Variants in PLCH2 observed in about 807,000 individuals in gnomAD.
The protein encoded by PLCH2 is phospholipase C eta 2.
PLCH2 carries 98 observed loss-of-function variants against 134.7 expected under a neutral mutation model. That is an observed-to-expected ratio of 0.73 (90% CI 0.62 to 0.86). The LOEUF is 0.86. Among genes scored for constraint, PLCH2 ranks in the 40% least tolerant of loss-of-function variants. PLCH2 has a pLI of 0.00. For missense variants in PLCH2, 1,994 were observed against 1,986.6 expected (o/e 1.00, Z -0.07); for synonymous variants, 974 against 827.5 (o/e 1.18, Z -3.04).
At position 2,496,721 on chromosome 1, in the gene PLCH2, C is replaced by T; in HGVS notation, c.1933+17C>T. ...AGATGGAGGGTGAGTGGCTCGGGGA[C>T]CTGGGGCCACGGGCGGAGGCCTCCC... is the stretch of plus-strand genomic sequence containing the variant. On this transcript the variant is annotated intron_variant, in intron 14 of 21. Transcript: ENST00000378486. 3 of 1,609,556 alleles carry T rather than the reference C, an allele frequency of 1.9e-6. No homozygotes were observed. The highest frequency in any genetic ancestry group is 2.5e-6 in the Non-Finnish European group (3 of 1,178,430).
At chr1:2,459,968 G>T (rs1243824990) in intron 2 of PLCH2, among the ~76,000 whole-genome samples, 2 of 152,174 alleles carry the variant, frequency 1.3e-5, no homozygotes, top group Non-Finnish European at 2.9e-5. Flanking sequence ...CACTCTGTTC[G>T]CTCCCCTCTG....
chr1:2,488,937 G>GT (rs1039317007), intron 8 of PLCH2, among the ~76,000 whole-genome samples: 14 of 152,018 alleles, frequency 9.2e-5, no homozygotes, highest in Non-Finnish European at 1.6e-4. Flanking sequence ...CATTGCCTTT[G>GT]TTTTTTTTCT....
Position 2,505,263 on chromosome 1 carries a change from G to C in PLCH2, c.*50G>C, listed in dbSNP as rs1643483070. The C allele has an allele frequency of 7.0e-7, 1 of 1,428,528 alleles. No homozygotes were observed. Among genetic ancestry groups the C allele is most frequent in the African/African-American group, 1.4e-5 (1 of 70,272 alleles). The allele number at this position is 1,428,528 out of a possible 1,614,324, so 88.5% of individuals were successfully genotyped here. On this transcript the variant is annotated 3_prime_UTR_variant, in exon 22 of 22. Transcript: ENST00000378486. ...GCTCTGGAGGCCCAGGGCAGGGGTG[G>C]GCGTGTTGTTTGCTCAGGAAACAGG...
upstream of PLCH2, among the ~76,000 whole-genome samples, chr1:2,473,561 G>A (rs1266353438): frequency 9.9e-5 from 15 of 152,192 alleles, no homozygotes; most frequent in Admixed American, 7.2e-4. Context: ...ACTGGCTCCC[G>A]TCACCTCCTC....
At chr1:2,482,507 G>C (rs1183562286) in intron 4 of PLCH2, among the ~76,000 whole-genome samples, 1 of 152,228 alleles carries the variant, frequency 6.6e-6, no homozygotes, top group African/African-American at 2.4e-5. Context: ...CAGTGCATGT[G>C]GCTTTAGCTG....
upstream of PLCH2, among the ~76,000 whole-genome samples, chr1:2,475,015 G>A (rs1223218224): frequency 2.0e-5 from 3 of 152,198 alleles, no homozygotes; most frequent in Admixed American, 1.3e-4. Context: ...GCCCAGAAAC[G>A]CCTGCTGACC....
Position 2,448,477 on chromosome 1 carries a change from G to A in PLCH2, c.115+17848G>A, listed in dbSNP as rs1570288461. 6.6e-6 allele frequency among the ~76,000 whole-genome samples: 1 copy of A among 152,156 alleles called. No individual in the cohort carries two copies. The highest frequency in any genetic ancestry group is 2.4e-5 in the African/African-American group (1 of 41,420). ...TCTCCTTTGTCCTGTAGGATCTGGG[G>A]CCTGCCTGGGTCATTCGGGACGATC... On this transcript the variant is annotated intron_variant, in intron 2 of 3. Transcript: ENST00000609981. The surrounding 1 kb of genome is among the most constrained non-coding windows in gnomAD (Gnocchi z 4.0).
At chr1:2,424,847 A>T (rs536026401), upstream of PLCH2, among the ~76,000 whole-genome samples, 2 of 152,132 alleles carry the variant, frequency 1.3e-5, no homozygotes, top group African/African-American at 4.8e-5. Flanking sequence ...TTAGCTGGGC[A>T]TGGTGGCGGG....
At chr1:2,449,491 T>G (rs1640094752) in intron 2 of PLCH2, among the ~76,000 whole-genome samples, 1 of 140,630 alleles carries the variant, frequency 7.1e-6, no homozygotes. Flanking sequence ...TGAGACTCTG[T>G]CTCAACAAAA....
intron 4 of PLCH2, among the ~76,000 whole-genome samples, chr1:2,480,598 C>A (rs2100655819): frequency 6.6e-6 from 1 of 152,220 alleles, no homozygotes; most frequent in East Asian, 1.9e-4. Context: ...ACAGGCCCTG[C>A]CAGGTGAGTG....
At chr1:2,464,388 T>C (rs959511988), upstream of PLCH2, among the ~76,000 whole-genome samples, 5 of 152,202 alleles carry the variant, frequency 3.3e-5, no homozygotes, top group Admixed American at 2.0e-4. Context: ...GGCTGGTGCA[T>C]GGAGTGCTTA....
the PLCH2 span, among the ~76,000 whole-genome samples, chr1:2,419,281 G>A: frequency 1.1e-4 from 17 of 152,170 alleles, no homozygotes; most frequent in African/African-American, 3.6e-4. Flanking sequence ...CTATCCATCC[G>A]TAAATCCATC....
chr1:2,489,720 T>C, intron 9 of PLCH2, 40 bp from the exon 10 acceptor site: 1 of 1,507,918 alleles, frequency 6.6e-7, no homozygotes, highest in Non-Finnish European at 9.2e-7. Context: ...TTCCCAGCAT[T>C]TTCTCCAGGG....
Position 2,502,345 on chromosome 1 carries a change from C to T in PLCH2, c.2895C>T (p.Pro965=). Residue 965 remains proline (P), a synonymous_variant, in exon 21 of 22, where the codon CCC becomes CCT. Transcript: ENST00000378486. ...AGGGGGTGGCAGACGATGTGGTGCC[C>T]CCCGGGCCCGGACCTGCTCCGGAAG... ...GSKGVADDVV[P]PGPGPAPEAP... is the part of the protein sequence containing the mutation. 6.5e-7 allele frequency: 1 copy of T among 1,537,684 alleles called. No homozygotes were observed. Among genetic ancestry groups the T allele is most frequent in the Non-Finnish European group, 8.7e-7 (1 of 1,143,144 alleles).
chr1:2,502,177 TCATGCTGC>T lies in PLCH2; in HGVS notation c.2728_2735del (p.His910TrpfsTer10), dbSNP rs1216324566. On this transcript the variant is annotated frameshift_variant, in exon 21 of 22. Transcript: ENST00000378486. LOFTEE classifies it high-confidence loss of function. ...GCCCAAAGCCCGGCTCGCTGGACAG[TCATGCTGC>T]TGGGCGGCCCCCGGCCCGGCCCTCC... 6.5e-7 allele frequency: 1 copy of T among 1,528,802 alleles called. No homozygotes were observed. The highest frequency in any genetic ancestry group is 1.4e-5 in the African/African-American group (1 of 71,720). The allele number at this position is 1,528,802 out of a possible 1,614,324, so 94.7% of individuals were successfully genotyped here. A position where few individuals can be genotyped will look rare whatever the true frequency, so the allele number is the denominator to read the frequency against.
Position 2,498,234 on chromosome 1 carries a change from C to T in PLCH2, c.2225-289C>T. 2.3e-6 allele frequency: 1 copy of T among 429,326 alleles called. No homozygotes were observed. The highest frequency in any genetic ancestry group is 4.2e-6 in the Non-Finnish European group (1 of 238,206). The allele number at this position is 429,326 out of a possible 1,614,324, so 26.6% of individuals were successfully genotyped here. On this transcript the variant is annotated intron_variant, in intron 16 of 21. Coordinates refer to ENST00000378486, the MANE Select transcript of PLCH2 (RefSeq NM_014638.4). This position sits in a 1 kb window ranked among gnomAD's most constrained non-coding sequence, Gnocchi z 5.4. ...CACTGTCACCAGAGACCCCACCCCT[C>T]ATACCCCCAGGGACCCAGACCCACC...
chr1:2,459,956 A>C (rs1187028564), intron 2 of PLCH2, among the ~76,000 whole-genome samples: 1 of 151,836 alleles, frequency 6.6e-6, no homozygotes, highest in East Asian at 1.9e-4. Flanking sequence ...TCGGCCCCTC[A>C]CCACTCTGTT....
intron 2 of PLCH2, among the ~76,000 whole-genome samples, chr1:2,459,490 T>TCCTTGCC: frequency 7.3e-5 from 1 of 13,732 alleles, no homozygotes; most frequent in East Asian, 1.1e-3. Flanking sequence ...TCCTCCTTCC[T>TCCTTGCC]GGTGGTCCTC....
rs754541378 is a variant in PLCH2, at chr1:2,502,403, C to T, written c.2953C>T (p.Pro985Ser). The T allele has an allele frequency of 3.2e-5, 49 of 1,543,884 alleles. No individual in the cohort carries two copies. Among genetic ancestry groups the T allele is most frequent in the African/African-American group, 1.4e-4 (10 of 72,842 alleles). ...PAQEGPGSGSPRDTRPLSTQR... is the reference protein window; with the variant it reads ...PAQEGPGSGSSRDTRPLSTQR... Reference sequence around the variant, plus strand: ...CCAGGAGGGGCCCGGCAGCGGCAGCCCCCGAGGTAAGGCGCCAGCTGCGGT... The same window carrying T: ...CCAGGAGGGGCCCGGCAGCGGCAGCTCCCGAGGTAAGGCGCCAGCTGCGGT... Residue 985 changes from proline to serine, a missense_variant, in exon 21 of 22, where the codon CCC becomes TCC. Transcript: ENST00000378486.
Sources: gnomAD v4.1 joint callset for allele counts (sites outside exome capture counted in the v4.1 genomes callset) on GRCh38, gnomAD v4.1.1 for gene constraint, Gnocchi (gnomAD v3.1) non-coding constraint, MANE v1.5 for transcripts, NCBI Gene and HGNC (gene_info 2026-07-23, HGNC 2026-07-21) for gene names.